CS: variants seen among roughly 807,000 people sequenced by gnomAD.
CS encodes citrate synthase, mitochondrial.
CS carries 13 observed loss-of-function variants against 61.4 expected under a neutral mutation model. The ratio of observed to expected loss-of-function variants is 0.21; its 90% CI spans 0.14 to 0.34. The LOEUF (loss-of-function observed/expected upper bound fraction) is 0.34, where lower values mean the gene tolerates loss of function less well. CS is among the 10% of genes least tolerant of loss of function. The pLI is 1.00. For missense variants in CS, 278 were observed against 573.4 expected (o/e 0.48, Z 5.26); for synonymous variants, 159 against 215.2 (o/e 0.74, Z 2.29).
intron 1 of CS, 105 bp downstream of exon 1, chr12:56,300,036 AGCGCAGGGCCCTTTAAGGC>A: frequency 1.1e-6 from 1 of 908,312 alleles, no homozygotes; most frequent in Non-Finnish European, 1.6e-6. Context: ...CGGCCAGCCA[AGCGCAGGGCCCTTTAAGGC>A]GCGCAGGGTG....
chr12:56,284,695 A>AGT (rs1872884724), intron 3 of CS, among the ~76,000 whole-genome samples: 1 of 9,894 alleles, frequency 1.0e-4, no homozygotes, highest in African/African-American at 2.8e-4. Context: ...ACGTCAGGAT[A>AGT]TCGAGACATC....
rs752597375 is a variant in CS at position 56,291,254 on chromosome 12, C to T, written c.43-4609G>A. On this transcript the variant is annotated intron_variant, in intron 1 of 10. Transcript: ENST00000351328. ...TCAGAACTTCCTGGGAGTTGGATCC[C>T]AGGAAAGAGGCAGTCAAGCCTGAGG... is the stretch of plus-strand genomic sequence containing the variant. The T allele has an allele frequency of 9.8e-6, 11 of 1,119,448 alleles. No homozygotes were observed. In the South Asian group the frequency reaches 1.6e-4, roughly 17 times the overall value. 69.3% of individuals were successfully genotyped at this position (1,119,448 alleles called of 1,614,324 possible). A position where few individuals can be genotyped will look rare whatever the true frequency, so the allele number is the denominator to read the frequency against.
intron 6 of CS, among the ~76,000 whole-genome samples, chr12:56,281,838 T>C (rs1872785007): frequency 6.6e-6 from 1 of 152,124 alleles, no homozygotes; most frequent in Non-Finnish European, 1.5e-5. Context: ...CAGCCATGTG[T>C]ACATACCTCT....
chr12:56,297,989 A>C (rs1592415930), intron 1 of CS, among the ~76,000 whole-genome samples: 2 of 146,888 alleles, frequency 1.4e-5, no homozygotes, highest in Admixed American at 6.8e-5. Context: ...GGGCTTTGCT[A>C]CCCCCCCCGC....
At position 56,300,309 on chromosome 12, in the gene CS, G is replaced by T; in HGVS notation, c.-108C>A. On this transcript the variant is annotated 5_prime_UTR_variant, in exon 1 of 11. Coordinates refer to ENST00000351328, the MANE Select transcript of CS (RefSeq NM_004077.3). ...GAGGCCGCGCCGACGGGTTGACAAGGTTGAAAGGAGGCGGCTGAAGGAAAG... is the reference window on the plus strand; with the variant it reads ...GAGGCCGCGCCGACGGGTTGACAAGTTTGAAAGGAGGCGGCTGAAGGAAAG... The T allele has an allele frequency of 1.6e-6, 2 of 1,216,984 alleles. No individual in the cohort carries two copies. The highest frequency in any genetic ancestry group is 2.3e-6 in the Non-Finnish European group (2 of 871,762). The allele number at this position is 1,216,984 out of a possible 1,614,324, so 75.4% of individuals were successfully genotyped here.
intron 9 of CS, 91 bp downstream of exon 9, chr12:56,274,686 T>A: frequency 9.8e-7 from 1 of 1,020,932 alleles, no homozygotes; most frequent in Non-Finnish European, 1.4e-6. Flanking sequence ...AATCTCTAAT[T>A]TAGGGACCTC....
intron 1 of CS, among the ~76,000 whole-genome samples, chr12:56,288,321 T>C (rs572117963): frequency 6.6e-6 from 1 of 152,140 alleles, no homozygotes; most frequent in African/African-American, 2.4e-5. Context: ...GGGTGAGAGT[T>C]CTATAGGGCT....
At position 56,273,017 on chromosome 12, in the gene CS, A is replaced by C; in HGVS notation, c.*67T>G. On this transcript the variant is annotated 3_prime_UTR_variant, in exon 11 of 11. Transcript: ENST00000351328. The stretch of plus-strand genomic sequence containing the variant: ...TCTTAAGTCTTTAAAGGCCCCCTGA[A>C]ACAAAAGTATACTTTTTATTTAGGC... 7.9e-7 allele frequency: 1 copy of C among 1,262,574 alleles called. No individual in the cohort carries two copies. Among genetic ancestry groups the C allele is most frequent in the South Asian group, 1.4e-5 (1 of 69,386 alleles). The allele number at this position is 1,262,574 out of a possible 1,614,324, so 78.2% of individuals were successfully genotyped here. A position where few individuals can be genotyped will look rare whatever the true frequency, so the allele number is the denominator to read the frequency against.
At chr12:56,280,440 A>AAAAAAAAAACCC (rs1555162652) in intron 6 of CS, among the ~76,000 whole-genome samples, 3 of 119,900 alleles carry the variant, frequency 2.5e-5, no homozygotes, top group Non-Finnish European at 5.1e-5. Context: ...AAAAAAAACA[A>AAAAAAAAAACCC]AAAAATTAGC....
In CS at chr12:56,300,080, A is replaced by C. The variant is rs1220697769; in HGVS notation, c.42+80T>G. The C allele has an allele frequency of 2.8e-6, 4 of 1,416,650 alleles. No individual in the cohort carries two copies. The Admixed American group carries it at 8.9e-5, about 32-fold the overall frequency. 87.8% of individuals were successfully genotyped at this position (1,416,650 alleles called of 1,614,324 possible). ...CGCGCAGGGTGCGCACGGGTGTGGG[A>C]GGGAGACCCCGGCGCCGGAGGGCCT... On this transcript the variant is annotated intron_variant, in intron 1 of 10. Coordinates refer to ENST00000351328, the MANE Select transcript of CS (RefSeq NM_004077.3).
intron 9 of CS, 130 bp downstream of exon 9, chr12:56,274,647 T>G: frequency 1.4e-6 from 1 of 712,278 alleles, no homozygotes; most frequent in South Asian, 2.2e-5. Flanking sequence ...TTTTCTAAAT[T>G]CTTCAAGGTA....
chr12:56,299,804 G>A (rs1321060107), intron 1 of CS: 1 of 257,178 alleles, frequency 3.9e-6, no homozygotes, highest in African/African-American at 2.4e-5. Context: ...AACTCCAGTG[G>A]AACACCACAT....
At chr12:56,290,534 C>A (rs976946357) in intron 1 of CS, among the ~76,000 whole-genome samples, 1 of 151,730 alleles carries the variant, frequency 6.6e-6, no homozygotes, top group East Asian at 1.9e-4. Context: ...TAGCACCGTT[C>A]GGTGTCAGGT....
chr12:56,289,867 G>A (rs1374023119), intron 1 of CS, among the ~76,000 whole-genome samples: 3 of 152,024 alleles, frequency 2.0e-5, no homozygotes, highest in Admixed American at 6.6e-5. Context: ...TGAGATTACC[G>A]GCATGAGCCA....
rs796925049 is a variant in CS, at chr12:56,280,439, A to C, written c.588+1981T>G. The stretch of plus-strand genomic sequence containing the variant: ...CCCAAAAAAAACAAAAAAAAAAAAC[A>C]AAAAAATTAGCCAGGAGTGGTGGTG... On this transcript the variant is annotated intron_variant, in intron 6 of 10. Transcript: ENST00000351328. 2.5e-4 allele frequency among the ~76,000 whole-genome samples: 31 copies of C among 123,428 alleles called. 1 individual carries two copies. The highest frequency in any genetic ancestry group is 7.4e-4 in the Admixed American group (9 of 12,134). 81.0% of individuals were successfully genotyped at this position (123,428 alleles called of 152,430 possible).
chr12:56,274,964 G>A, intron 8 of CS, 38 bp downstream of exon 8: 1 of 1,612,466 alleles, frequency 6.2e-7, no homozygotes, highest in Non-Finnish European at 8.5e-7. Context: ...ATGGGGTAAG[G>A]AAAACATGTA....
chr12:56,283,288 G>C (rs899005593), intron 4 of CS, among the ~76,000 whole-genome samples: 9 of 152,012 alleles, frequency 5.9e-5, no homozygotes, highest in Admixed American at 5.9e-4. Context: ...CTGTCGCCCA[G>C]GCTGGAGTGC....
intron 1 of CS, among the ~76,000 whole-genome samples, chr12:56,294,330 C>T (rs192028649): frequency 1.1e-4 from 16 of 151,600 alleles, no homozygotes; most frequent in South Asian, 2.1e-4. Context: ...AAAAATTAGT[C>T]GGGCACGGTG....
chr12:56,283,893 G>A, intron 3 of CS, 36 bp from the exon 4 acceptor site: 1 of 1,483,210 alleles, frequency 6.7e-7, no homozygotes, highest in Non-Finnish European at 9.4e-7. Flanking sequence ...AAAAAAAAGA[G>A]GCTGTGGCCA....
Sources: gnomAD v4.1 joint callset for allele counts (sites outside exome capture counted in the v4.1 genomes callset) on GRCh38, gnomAD v4.1.1 for gene constraint, MANE v1.5 for transcripts, NCBI Gene and HGNC (gene_info 2026-07-23, HGNC 2026-07-21) for gene names.